Variants in RCBTB1 observed in about 807,000 individuals in gnomAD.
RCBTB1 encodes RCC1 and BTB domain containing protein 1.
Under a neutral mutation model 62.4 loss-of-function variants are expected in RCBTB1, and 46 were observed. That is an observed-to-expected ratio of 0.74 (90% CI 0.58 to 0.94). The LOEUF (loss-of-function observed/expected upper bound fraction) is 0.94, where lower values mean the gene tolerates loss of function less well. Ranked by LOEUF, RCBTB1 falls within the 40% of genes least tolerant of loss-of-function variation. The pLI is 0.00. For synonymous variants in RCBTB1, 222 were observed against 245.8 expected (o/e 0.90, Z 0.91); for missense variants, 565 against 654.9 (o/e 0.86, Z 1.50).
At chr13:49,584,882 A>G (rs1158292757) in intron 1 of RCBTB1, among the ~76,000 whole-genome samples, 2 of 152,218 alleles carry the variant, frequency 1.3e-5, no homozygotes, top group African/African-American at 4.8e-5. Flanking sequence ...GTACTTTATC[A>G]GAGGCAGACA....
intron 2 of RCBTB1, among the ~76,000 whole-genome samples, chr13:49,569,658 G>A (rs1021261020): frequency 1.3e-5 from 2 of 151,802 alleles, no homozygotes; most frequent in Non-Finnish European, 2.9e-5. Context: ...AGAGGTGGCT[G>A]TGAGCCGAGA....
intron 3 of RCBTB1, 124 bp from the exon 4 acceptor site, chr13:49,566,892 G>T: frequency 1.0e-6 from 1 of 975,456 alleles, no homozygotes; most frequent in Non-Finnish European, 1.5e-6. Flanking sequence ...AGACTGATAT[G>T]GTTGTTAAGA....
intron 1 of RCBTB1, among the ~76,000 whole-genome samples, chr13:49,582,253 G>A (rs1167275848): frequency 2.6e-5 from 4 of 152,224 alleles, no homozygotes; most frequent in Admixed American, 1.3e-4. Flanking sequence ...TTGGGAGGCC[G>A]AGGCAGGTGG....
intron 2 of RCBTB1, among the ~76,000 whole-genome samples, chr13:49,573,221 A>G (rs1963531370): frequency 1.3e-5 from 2 of 152,204 alleles, no homozygotes; most frequent in South Asian, 2.1e-4. Context: ...CAATTTTTCT[A>G]AAGTATAATA....
intron 2 of RCBTB1, among the ~76,000 whole-genome samples, chr13:49,578,448 C>G (rs984223178): frequency 3.3e-5 from 5 of 152,078 alleles, no homozygotes; most frequent in Non-Finnish European, 5.9e-5. Context: ...CTGCAATGAC[C>G]CCAGATACCA....
intron 9 of RCBTB1, among the ~76,000 whole-genome samples, chr13:49,545,414 T>C (rs902720287): frequency 2.6e-5 from 4 of 152,184 alleles, no homozygotes; most frequent in Admixed American, 2.0e-4. Flanking sequence ...AAAATCACTA[T>C]ATGCATAATC....
chr13:49,541,695 C>A lies in RCBTB1; in HGVS notation c.1305G>T (p.Leu435=), dbSNP rs752498548. 1 of 1,612,320 alleles carries A rather than the reference C, an allele frequency of 6.2e-7. No individual in the cohort carries two copies. The highest frequency in any genetic ancestry group is 1.1e-5 in the South Asian group (1 of 90,662). Residue 435 remains leucine (L), a synonymous_variant, in exon 11 of 13, where the codon CTG becomes CTT. Transcript: ENST00000378302. ...CAGTACCTATAGCATCTTCTGGCGG[C>A]AGGTCGACTGTGTCTGTGTAGAGGT... The part of the protein sequence containing the change: ...LQYLYTDTVD[L]PPEDAIGLLD...
intron 5 of RCBTB1, 61 bp from the exon 6 acceptor site, chr13:49,555,734 CAAAT>C: frequency 2.4e-6 from 3 of 1,224,518 alleles, no homozygotes; most frequent in South Asian, 1.5e-5. Context: ...TACCCCAACA[CAAAT>C]AATCATAAAA....
chr13:49,572,852 CT>C (rs1399295599), intron 2 of RCBTB1, among the ~76,000 whole-genome samples: 1 of 152,138 alleles, frequency 6.6e-6, no homozygotes, highest in Non-Finnish European at 1.5e-5. Context: ...AATTTAGATG[CT>C]TCAAATAGGA....
At chr13:49,575,722 A>T (rs1437107884) in intron 2 of RCBTB1, among the ~76,000 whole-genome samples, 1 of 152,066 alleles carries the variant, frequency 6.6e-6, no homozygotes, top group Non-Finnish European at 1.5e-5. Context: ...GGAACAACAG[A>T]CACTGGAGAC....
intron 6 of RCBTB1, 53 bp from the exon 7 acceptor site, chr13:49,552,338 G>T: frequency 8.1e-7 from 1 of 1,228,788 alleles, no homozygotes; most frequent in South Asian, 1.3e-5. Context: ...TGGTAAGAAG[G>T]AAGAGACAAA....
At chr13:49,566,136 G>C (rs1255913894) in intron 4 of RCBTB1, among the ~76,000 whole-genome samples, 1 of 150,176 alleles carries the variant, frequency 6.7e-6, no homozygotes, top group African/African-American at 2.5e-5. Flanking sequence ...TAGGCCGCAG[G>C]GTCCTCTGCC....
Position 49,533,663 on chromosome 13 carries a change from C to G in RCBTB1, c.*459G>C, listed in dbSNP as rs994583569. On this transcript the variant is annotated 3_prime_UTR_variant, in exon 13 of 13. Transcript: ENST00000378302. ...TACTAAACTAGCAACTAAGGCAGCA[C>G]TTAACAATCCCCAGGTCAGCATCTT... 1 of 152,918 alleles carries G rather than the reference C, an allele frequency of 6.5e-6. No individual in the cohort carries two copies. Among genetic ancestry groups the G allele is most frequent in the Non-Finnish European group, 1.5e-5 (1 of 68,578 alleles). 9.5% of individuals were successfully genotyped at this position (152,918 alleles called of 1,614,324 possible).
intron 6 of RCBTB1, among the ~76,000 whole-genome samples, chr13:49,553,482 C>T (rs993572150): frequency 7.9e-5 from 12 of 152,184 alleles, no homozygotes; most frequent in East Asian, 3.9e-4. Flanking sequence ...CTTCCCAGAA[C>T]GTGACAGTCC....
intron 5 of RCBTB1, among the ~76,000 whole-genome samples, chr13:49,558,711 A>AG (rs1341432272): frequency 1.3e-5 from 2 of 151,580 alleles, no homozygotes; most frequent in East Asian, 3.9e-4. Context: ...AAAAAAAAAA[A>AG]AAAAAATTCA....
At chr13:49,550,080 C>T (rs1367808943) in intron 8 of RCBTB1, among the ~76,000 whole-genome samples, 1 of 152,084 alleles carries the variant, frequency 6.6e-6, no homozygotes, top group African/African-American at 2.4e-5. Context: ...GCCTCGACCT[C>T]CCAGGCTCAA....
At chr13:49,565,654 T>C (rs1342575009) in intron 4 of RCBTB1, among the ~76,000 whole-genome samples, 10 of 120,932 alleles carry the variant, frequency 8.3e-5, no homozygotes, top group South Asian at 3.0e-4. Context: ...GTGAGGAGCG[T>C]CTCTGCCCGG....
chr13:49,567,344 G>GA (rs1963096291), intron 2 of RCBTB1, 24 bp from the exon 3 acceptor site: 8 of 1,549,138 alleles, frequency 5.2e-6, no homozygotes, highest in African/African-American at 1.4e-5. Flanking sequence ...AAGGATTCCA[G>GA]AAAAAAATTA....
chr13:49,578,350 T>A (rs368791916), intron 2 of RCBTB1, among the ~76,000 whole-genome samples: 2 of 152,252 alleles, frequency 1.3e-5, no homozygotes, highest in Non-Finnish European at 2.9e-5. Flanking sequence ...CAATTTTTAA[T>A]ATTTGCAATT....
Sources: allele counts gnomAD v4.1 joint callset (sites outside exome capture counted in the v4.1 genomes callset), GRCh38; gene constraint gnomAD v4.1.1; transcripts MANE v1.5; gene names NCBI Gene and HGNC (gene_info 2026-07-23, HGNC 2026-07-21).